The following SLAMF7 variants were observed in gnomAD, a reference collection of about 807,000 sequenced individuals.
The protein encoded by SLAMF7 is SLAM family member 7.
SLAMF7 carries 26 observed loss-of-function variants against 34.1 expected under a neutral mutation model. The observed-to-expected ratio is 0.76, with a 90% CI of 0.56 to 1.06. The LOEUF (loss-of-function observed/expected upper bound fraction) is 1.06. SLAMF7 is among the 50% of genes least tolerant of loss of function. SLAMF7 has a pLI of 0.00. For synonymous variants in SLAMF7, 171 were observed against 156.4 expected (o/e 1.09, Z -0.70); for missense variants, 399 against 402.5 (o/e 0.99, Z 0.07).
In SLAMF7 at chr1:160,751,457, CT is replaced by C. The variant is rs527425528; in HGVS notation, c.873+11del. 65 of 1,592,402 alleles carry C rather than the reference CT, an allele frequency of 4.1e-5. No homozygotes were observed. The African/African-American group carries it at 8.2e-4, about 20-fold the overall frequency. On this transcript the variant is annotated intron_variant, in intron 5 of 6. Transcript: ENST00000368043. ...CAATCCCTCACACTAATGTGAGTCC[CT>C]TCTCATCTTTCCTGAGAACTGATCC...
chr1:160,752,953 G>A (rs1664751280), intron 6 of SLAMF7, among the ~76,000 whole-genome samples, 153 bp from the exon 7 acceptor site: 1 of 152,154 alleles, frequency 6.6e-6, no homozygotes, highest in African/African-American at 2.4e-5. Flanking sequence ...CTCTAAGCTA[G>A]GGGTGATTAA....
rs147491779 is a variant in SLAMF7 at position 160,749,918 on chromosome 1, G to A, written c.474G>A (p.Glu158=). The change falls in exon 3 of 7, where the codon GAG becomes GAA. Residue 158 remains glutamate (E), a synonymous_variant. Coordinates refer to ENST00000368043, the MANE Select transcript of SLAMF7 (RefSeq NM_021181.5). The part of the protein sequence containing the change: ...NLTCCMEHGE[E]DVIYTWKALG... ...CATGCTGCATGGAACATGGGGAAGA[G>A]GATGTGATTTATACCTGGAAGGCCC... is the stretch of plus-strand genomic sequence containing the variant. 3.7e-4 allele frequency: 600 copies of A among 1,614,036 alleles called. No individual in the cohort carries two copies. Among genetic ancestry groups the A allele is most frequent in the Middle Eastern group, 8.2e-4 (5 of 6,082 alleles).
In SLAMF7 at chr1:160,749,808, C is replaced by T. The variant is rs1373604352; in HGVS notation, c.377-13C>T. 1 of 1,557,752 alleles carries T rather than the reference C, an allele frequency of 6.4e-7. No individual in the cohort carries two copies. Among genetic ancestry groups the T allele is most frequent in the East Asian group, 2.3e-5 (1 of 44,388 alleles). On this transcript the variant is annotated splice_polypyrimidine_tract_variant and intron_variant, in intron 2 of 6. Coordinates refer to ENST00000368043, the MANE Select transcript of SLAMF7 (RefSeq NM_021181.5). ...GGCAGAGTTTCCACCTCTGGTTTTC[C>T]TTCCTCTCACAGAGCACCTGTCAAA...
chr1:160,745,878 A>G (rs192560005), intron 1 of SLAMF7, among the ~76,000 whole-genome samples: 16 of 152,356 alleles, frequency 1.1e-4, no homozygotes, highest in Middle Eastern at 3.4e-3. Flanking sequence ...AACATTTAAT[A>G]CATGACAACT....
chr1:160,745,356 G>T (rs1664041724), intron 1 of SLAMF7, among the ~76,000 whole-genome samples: 2 of 152,184 alleles, frequency 1.3e-5, no homozygotes, highest in African/African-American at 4.8e-5. Flanking sequence ...GATGGAGAAG[G>T]GGAGTGAGGG....
intron 2 of SLAMF7, 70 bp from the exon 3 acceptor site, chr1:160,749,751 T>A (rs1664406700): frequency 7.2e-7 from 1 of 1,384,124 alleles, no homozygotes. Flanking sequence ...GTCCAAGGTA[T>A]CCAAGGATAA....
chr1:160,752,842 T>C (rs941923456), intron 6 of SLAMF7, among the ~76,000 whole-genome samples: 8 of 152,168 alleles, frequency 5.3e-5, no homozygotes, highest in African/African-American at 1.9e-4. Flanking sequence ...TGCTTAGTAA[T>C]AGAAAAGGTT....
At chr1:160,745,698 A>G (rs1338952083) in intron 1 of SLAMF7, among the ~76,000 whole-genome samples, 1 of 152,232 alleles carries the variant, frequency 6.6e-6, no homozygotes, top group African/African-American at 2.4e-5. Flanking sequence ...TAAATGAAAG[A>G]GCCTGGCTGT....
chr1:160,751,637 T>C (rs546072392), intron 5 of SLAMF7, 189 bp downstream of exon 5: 61 of 545,372 alleles, frequency 1.1e-4, no homozygotes, highest in African/African-American at 1.0e-3. Context: ...GCTGGTGGTC[T>C]CTGGAGCACC....
chr1:160,740,038 C>T (rs1191131314), intron 1 of SLAMF7, among the ~76,000 whole-genome samples: 1 of 152,092 alleles, frequency 6.6e-6, no homozygotes, highest in East Asian at 1.9e-4. Flanking sequence ...TGTCATCAAT[C>T]TCATGGAGTA....
intron 2 of SLAMF7, among the ~76,000 whole-genome samples, chr1:160,749,314 A>C (rs566569857): frequency 1.3e-5 from 2 of 152,226 alleles, no homozygotes; most frequent in Non-Finnish European, 2.9e-5. Flanking sequence ...GTAAATGATG[A>C]ATGTCAGACT....
rs1424973948 is a variant in SLAMF7 at position 160,749,825 on chromosome 1, C to G, written c.381C>G (p.His127Gln). The G allele has an allele frequency of 6.3e-7, 1 of 1,584,040 alleles. No homozygotes were observed. The highest frequency in any genetic ancestry group is 8.6e-7 in the Non-Finnish European group (1 of 1,163,944). ...TGGTTTTCCTTCCTCTCACAGAGCA[C>G]CTGTCAAAGCCTAAAGTCACCATGG... is the stretch of plus-strand genomic sequence containing the variant. ...TQEYVLHVYE[H>Q]LSKPKVTMGL... is the part of the protein sequence containing the mutation. The change falls in exon 3 of 7, where the codon CAC (histidine) becomes CAG (glutamine). Residue 127 changes from histidine to glutamine, a missense_variant. By Grantham distance (24) the His-to-Gln change is conservative (BLOSUM62 0). Transcript: ENST00000368043.
rs117655152 is a variant in SLAMF7 at position 160,754,104 on chromosome 1, A to T, written c.*927A>T. 22 of 152,754 alleles carry T rather than the reference A, an allele frequency of 1.4e-4. No individual in the cohort carries two copies. Among genetic ancestry groups the T allele is most frequent in the African/African-American group, 5.1e-4 (21 of 41,578 alleles). The allele number at this position is 152,754 out of a possible 1,614,324, so 9.5% of individuals were successfully genotyped here. A position where few individuals can be genotyped will look rare whatever the true frequency, so the allele number is the denominator to read the frequency against. ...GTGAGACTGGTGGGGCACGGGGGGC[A>T]GTGGGTACTTGTAAACCTTTAAAGA... On this transcript the variant is annotated 3_prime_UTR_variant, in exon 7 of 7. Coordinates refer to ENST00000368043, the MANE Select transcript of SLAMF7 (RefSeq NM_021181.5).
chr1:160,751,977 T>A, intron 5 of SLAMF7: 1 of 414,118 alleles, frequency 2.4e-6, no homozygotes, highest in East Asian at 4.1e-5. Context: ...AATGGCTTCC[T>A]GAAAAAAGTT....
In SLAMF7 at chr1:160,753,268, A is replaced by C; in HGVS notation, c.*91A>C. The C allele has an allele frequency of 9.1e-7, 1 of 1,094,806 alleles. No individual in the cohort carries two copies. Among genetic ancestry groups the C allele is most frequent in the South Asian group, 1.3e-5 (1 of 74,372 alleles). The allele number at this position is 1,094,806 out of a possible 1,614,324, so 67.8% of individuals were successfully genotyped here. On this transcript the variant is annotated 3_prime_UTR_variant, in exon 7 of 7. Coordinates refer to ENST00000368043, the MANE Select transcript of SLAMF7 (RefSeq NM_021181.5). ...CAGAAGAATTCACTGATTTGACTAG[A>C]AACATCAAGGAAGAATGAAGAACGT... is the stretch of plus-strand genomic sequence containing the variant.
At position 160,753,264 on chromosome 1, in the gene SLAMF7, C is replaced by A; in HGVS notation, c.*87C>A. 2 of 1,109,090 alleles carry A rather than the reference C, an allele frequency of 1.8e-6. No individual in the cohort carries two copies. The highest frequency in any genetic ancestry group is 2.7e-6 in the Non-Finnish European group (2 of 749,708). 68.7% of individuals were successfully genotyped at this position (1,109,090 alleles called of 1,614,324 possible). ...CAATCAGAAGAATTCACTGATTTGACTAGAAACATCAAGGAAGAATGAAGA... is the reference window on the plus strand; with the variant it reads ...CAATCAGAAGAATTCACTGATTTGAATAGAAACATCAAGGAAGAATGAAGA... On this transcript the variant is annotated 3_prime_UTR_variant, in exon 7 of 7. Coordinates refer to ENST00000368043, the MANE Select transcript of SLAMF7 (RefSeq NM_021181.5).
intron 6 of SLAMF7, among the ~76,000 whole-genome samples, chr1:160,752,502 A>C (rs570298201): frequency 6.6e-6 from 1 of 152,336 alleles, no homozygotes; most frequent in African/African-American, 2.4e-5. Flanking sequence ...ATAATAAAGA[A>C]AATCAAAAGC....
Position 160,753,322 on chromosome 1 carries a change from G to C in SLAMF7, c.*145G>C. 3.0e-6 allele frequency: 2 copies of C among 677,026 alleles called. No homozygotes were observed. Among genetic ancestry groups the C allele is most frequent in the Non-Finnish European group, 2.5e-6 (1 of 400,442 alleles). 41.9% of individuals were successfully genotyped at this position (677,026 alleles called of 1,614,324 possible). Reference sequence around the variant, plus strand: ...CTTTTTTCCAGGATAAATTATCTCTGATGCTTCTTTAGATTTAAGAGTTCA... The same window carrying C: ...CTTTTTTCCAGGATAAATTATCTCTCATGCTTCTTTAGATTTAAGAGTTCA... On this transcript the variant is annotated 3_prime_UTR_variant, in exon 7 of 7. Coordinates refer to ENST00000368043, the MANE Select transcript of SLAMF7 (RefSeq NM_021181.5).
chr1:160,747,048 C>T (rs1664188790), intron 1 of SLAMF7, among the ~76,000 whole-genome samples: 1 of 152,154 alleles, frequency 6.6e-6, no homozygotes, highest in South Asian at 2.1e-4. Flanking sequence ...AGCTCAATTA[C>T]AATGTGAATG....
Sources: allele counts gnomAD v4.1 joint callset (sites outside exome capture counted in the v4.1 genomes callset), GRCh38; gene constraint gnomAD v4.1.1; transcripts MANE v1.5; gene names NCBI Gene and HGNC (gene_info 2026-07-23, HGNC 2026-07-21).